Variants in PPP4R4 observed in about 807,000 individuals in gnomAD.
PPP4R4 encodes serine/threonine-protein phosphatase 4 regulatory subunit 4.
PPP4R4 carries 70 observed loss-of-function variants against 121.8 expected under a neutral mutation model. That is an observed-to-expected ratio of 0.57 (90% CI 0.47 to 0.70). The LOEUF (loss-of-function observed/expected upper bound fraction) is 0.70, where lower values mean the gene tolerates loss of function less well. Among genes scored for constraint, PPP4R4 ranks in the 30% least tolerant of loss-of-function variants. PPP4R4 has a pLI of 0.00. For synonymous variants in PPP4R4, 348 were observed against 355.7 expected, an observed-to-expected ratio of 0.98 and a Z score of 0.24; for missense variants, 875 against 1,033.6, an observed-to-expected ratio of 0.85 and a Z score of 2.10.
At chr14:94,174,777 G>A (rs2139361154) in intron 1 of PPP4R4, among the ~76,000 whole-genome samples, 195 bp downstream of exon 1, 1 of 151,782 alleles carries the variant, frequency 6.6e-6, no homozygotes, top group African/African-American at 2.4e-5. Flanking sequence ...CCCTTCCTCA[G>A]AGCGGACCGG....
intron 2 of PPP4R4, among the ~76,000 whole-genome samples, chr14:94,179,820 C>G (rs940127123): frequency 1.3e-5 from 2 of 152,186 alleles, no homozygotes; most frequent in Admixed American, 6.5e-5. Flanking sequence ...TCCTGGAGGA[C>G]AAGCTTTTAG....
chr14:94,184,281 A>G (rs988570714), intron 2 of PPP4R4, among the ~76,000 whole-genome samples: 39 of 151,650 alleles, frequency 2.6e-4, no homozygotes, highest in Non-Finnish European at 5.9e-5. Context: ...TTTTTTTGAG[A>G]CACGGTCTTG....
chr14:94,223,843 C>T lies in PPP4R4; in HGVS notation c.295-6744C>T, dbSNP rs1445662103. ...TAACCCCAACATTTCTATTTATATACCTGCATAGGTTCTCTGTGCACATAT... is the reference window on the plus strand; with the variant it reads ...TAACCCCAACATTTCTATTTATATATCTGCATAGGTTCTCTGTGCACATAT... On this transcript the variant is annotated intron_variant, in intron 3 of 24. Coordinates refer to ENST00000304338, the MANE Select transcript of PPP4R4 (RefSeq NM_058237.2). Among the ~76,000 whole-genome samples, 9 of 152,002 alleles carry T rather than the reference C, an allele frequency of 5.9e-5. No individual in the cohort carries two copies. In the East Asian group the frequency reaches 1.2e-3, roughly 19 times the overall value.
chr14:94,175,981 G>A (rs1225152600), intron 1 of PPP4R4, 73 bp from the exon 2 acceptor site: 4 of 1,124,526 alleles, frequency 3.6e-6, no homozygotes, highest in Non-Finnish European at 5.5e-6. Context: ...CCTCATAGAG[G>A]GTCACTGGGA....
chr14:94,174,984 C>T (rs1200066103), intron 1 of PPP4R4, among the ~76,000 whole-genome samples: 1 of 143,676 alleles, frequency 7.0e-6, no homozygotes, highest in Non-Finnish European at 1.5e-5. Flanking sequence ...CCCCCCCCCC[C>T]CAAAGGAGCT....
At chr14:94,182,094 C>T (rs1438670271) in intron 2 of PPP4R4, among the ~76,000 whole-genome samples, 1 of 152,164 alleles carries the variant, frequency 6.6e-6, no homozygotes, top group African/African-American at 2.4e-5. Flanking sequence ...TACATACCAT[C>T]TCCTTTCCAA....
chr14:94,226,145 A>T (rs969036777), intron 3 of PPP4R4, among the ~76,000 whole-genome samples: 5 of 152,192 alleles, frequency 3.3e-5, no homozygotes, highest in Admixed American at 2.6e-4. Context: ...TTTAAAAATG[A>T]CTTAGCAGAG....
At chr14:94,259,624 T>G (rs1240653505) in intron 19 of PPP4R4, among the ~76,000 whole-genome samples, 1 of 152,212 alleles carries the variant, frequency 6.6e-6, no homozygotes, top group African/African-American at 2.4e-5. Flanking sequence ...TTTAATGAAT[T>G]TTGACATATC....
intron 3 of PPP4R4, among the ~76,000 whole-genome samples, chr14:94,227,051 C>G (rs1891751130): frequency 6.6e-6 from 1 of 152,188 alleles, no homozygotes; most frequent in Non-Finnish European, 1.5e-5. Flanking sequence ...TCTTGCACCA[C>G]TCATGTTAAC....
At chr14:94,268,200 G>T (rs1894142027) in intron 23 of PPP4R4, among the ~76,000 whole-genome samples, 1 of 152,192 alleles carries the variant, frequency 6.6e-6, no homozygotes, top group African/African-American at 2.4e-5. Context: ...AAATTTTAGT[G>T]TACAAAACCA....
At chr14:94,199,280 G>A (rs1331527150) in intron 2 of PPP4R4, among the ~76,000 whole-genome samples, 1 of 152,222 alleles carries the variant, frequency 6.6e-6, no homozygotes, top group African/African-American at 2.4e-5. Context: ...CAGACCGCTC[G>A]CAGGGCGTGC....
At chr14:94,187,080 C>T (rs1472532857) in intron 2 of PPP4R4, among the ~76,000 whole-genome samples, 4 of 152,138 alleles carry the variant, frequency 2.6e-5, no homozygotes, top group East Asian at 1.9e-4. Context: ...TTTGGGAGTC[C>T]GAGGTGGGCA....
chr14:94,239,904 A>G (rs1160170868), intron 8 of PPP4R4, among the ~76,000 whole-genome samples: 1 of 152,210 alleles, frequency 6.6e-6, no homozygotes, highest in Non-Finnish European at 1.5e-5. Flanking sequence ...TGTAAGAAAT[A>G]CAGTGTGTTG....
intron 14 of PPP4R4, among the ~76,000 whole-genome samples, chr14:94,247,414 C>T (rs921522250): frequency 2.0e-5 from 3 of 152,190 alleles, no homozygotes; most frequent in Non-Finnish European, 4.4e-5. Context: ...ACCAGTTGTA[C>T]CACTGCCCTG....
chr14:94,174,477 G>C lies in PPP4R4; in HGVS notation c.12G>C (p.Pro4=). The change falls in exon 1 of 25, where the codon CCG becomes CCC. Residue 4 remains proline, a synonymous_variant. Transcript: ENST00000304338. The part of the protein sequence containing the change: MHP[P]PPAAAMDFSQ... ...GTGCCCGGCGGTCCATGCATCCGCC[G>C]CCGCCCGCCGCCGCGATGGATTTCA... The C allele has an allele frequency of 6.2e-7, 1 of 1,603,266 alleles. No individual in the cohort carries two copies. The highest frequency in any genetic ancestry group is 8.5e-7 in the Non-Finnish European group (1 of 1,175,896).
intron 3 of PPP4R4, among the ~76,000 whole-genome samples, chr14:94,213,301 G>A (rs1890839239): frequency 6.6e-6 from 1 of 152,154 alleles, no homozygotes; most frequent in African/African-American, 2.4e-5. Flanking sequence ...GTCATCTCCT[G>A]TCTGTACTAC....
intron 2 of PPP4R4, among the ~76,000 whole-genome samples, chr14:94,205,114 G>A (rs911715994): frequency 5.3e-5 from 8 of 152,154 alleles, no homozygotes; most frequent in African/African-American, 1.9e-4. Context: ...TTCTGGAAGA[G>A]ATTGTGTAGA....
At chr14:94,250,334 T>C in intron 15 of PPP4R4, 57 bp downstream of exon 15, 1 of 1,128,796 alleles carries the variant, frequency 8.9e-7, no homozygotes, top group South Asian at 1.3e-5. Flanking sequence ...TAGTTGGCTT[T>C]AGTTATGTCT....
intron 3 of PPP4R4, among the ~76,000 whole-genome samples, chr14:94,229,030 A>G (rs1891872560): frequency 6.6e-6 from 1 of 152,194 alleles, no homozygotes; most frequent in Non-Finnish European, 1.5e-5. Flanking sequence ...CTGAGAACAC[A>G]TACTGTAAGT....
Sources: allele counts gnomAD v4.1 joint callset (sites outside exome capture counted in the v4.1 genomes callset), GRCh38; gene constraint gnomAD v4.1.1; transcripts MANE v1.5; gene names NCBI Gene and HGNC (gene_info 2026-07-23, HGNC 2026-07-21).